BNC2: variants seen among roughly 807,000 people sequenced by gnomAD.
BNC2 encodes the protein zinc finger protein basonuclin-2.
A neutral mutation model predicts 76.3 loss-of-function variants in BNC2; 20 were observed. That is an observed-to-expected ratio of 0.26 (90% CI 0.18 to 0.38). The LOEUF (loss-of-function observed/expected upper bound fraction) is 0.38. Ranked by LOEUF, BNC2 falls within the 10% of genes least tolerant of loss-of-function variation. The pLI is 1.00. For missense variants in BNC2, 1,382 were observed against 1,399.8 expected (o/e 0.99, Z 0.20); for synonymous variants, 582 against 514.8 (o/e 1.13, Z -1.77).
intron 1 of BNC2, among the ~76,000 whole-genome samples, chr9:16,799,526 G>A (rs374958020): frequency 1.3e-5 from 2 of 152,072 alleles, no homozygotes; most frequent in African/African-American, 4.8e-5. Flanking sequence ...TGTTGGCCAG[G>A]CTGGTCTCGA....
chr9:16,615,817 AAAT>A (rs1264256029), intron 3 of BNC2, among the ~76,000 whole-genome samples: 2 of 152,158 alleles, frequency 1.3e-5, no homozygotes, highest in African/African-American at 4.8e-5. Flanking sequence ...TCTATAATGT[AAAT>A]ACTTCACATG....
intron 1 of BNC2, among the ~76,000 whole-genome samples, chr9:16,846,568 A>C (rs1818987610): frequency 6.6e-6 from 1 of 152,182 alleles, no homozygotes; most frequent in Non-Finnish European, 1.5e-5. Flanking sequence ...GCAGCTCAGA[A>C]ACTGAAGACT....
intron 2 of BNC2, among the ~76,000 whole-genome samples, chr9:16,733,229 G>T (rs1405560236): frequency 1.3e-5 from 2 of 152,132 alleles, no homozygotes; most frequent in African/African-American, 4.8e-5. Context: ...AGTGAAAAAA[G>T]AAGTAATAAA....
intron 5 of BNC2, among the ~76,000 whole-genome samples, chr9:16,515,831 TAC>T (rs959604715): frequency 4.6e-5 from 7 of 150,838 alleles, no homozygotes; most frequent in Non-Finnish European, 5.9e-5. Context: ...TATATATATA[TAC>T]ATCTCATTGC....
At chr9:16,501,903 C>G (rs1343594233) in intron 5 of BNC2, among the ~76,000 whole-genome samples, 2 of 152,166 alleles carry the variant, frequency 1.3e-5, no homozygotes, top group Non-Finnish European at 2.9e-5. Context: ...TGCTAAAGAA[C>G]AGAGAATAAG....
intron 1 of BNC2, 150 bp from the exon 2 acceptor site, chr9:16,738,635 T>C: frequency 2.3e-6 from 2 of 867,730 alleles, no homozygotes; most frequent in Admixed American, 2.5e-5. Context: ...CTAAGGCTGA[T>C]AGTAGCCAAC....
intron 1 of BNC2, among the ~76,000 whole-genome samples, chr9:16,793,073 A>G (rs1199681813): frequency 6.6e-6 from 1 of 152,232 alleles, no homozygotes; most frequent in Non-Finnish European, 1.5e-5. Context: ...TCTTAACTAA[A>G]AGGGAAAACA....
chr9:16,639,063 G>A, intron 3 of BNC2, among the ~76,000 whole-genome samples: 1 of 152,138 alleles, frequency 6.6e-6, no homozygotes, highest in Admixed American at 6.5e-5. Context: ...AGGATGTCAT[G>A]TGTAATAGGC....
intron 3 of BNC2, among the ~76,000 whole-genome samples, chr9:16,689,895 GAA>G (rs1351816094): frequency 2.6e-5 from 4 of 152,184 alleles, no homozygotes; most frequent in Non-Finnish European, 5.9e-5. Flanking sequence ...GTCCCTGTGA[GAA>G]AGAGCAGATA....
chr9:16,596,678 T>C (rs1373578166), intron 3 of BNC2, among the ~76,000 whole-genome samples: 12 of 152,156 alleles, frequency 7.9e-5, no homozygotes, highest in Non-Finnish European at 1.6e-4. Context: ...GTTGATTCCC[T>C]GGCTGGCCAA....
At chr9:16,730,755 G>A (rs1330302) in intron 2 of BNC2, among the ~76,000 whole-genome samples, 136,678 of 152,208 alleles carry the variant, frequency 0.9, 61,416 homozygotes, top group Non-Finnish European at 0.92. Flanking sequence ...AGCCTTAAAA[G>A]CAGCAGGATA....
At chr9:16,648,338 G>A (rs887295540) in intron 3 of BNC2, among the ~76,000 whole-genome samples, 1 of 152,192 alleles carries the variant, frequency 6.6e-6, no homozygotes, top group Non-Finnish European at 1.5e-5. Flanking sequence ...TAAGACAGTA[G>A]AACATCAGGA....
At position 16,706,769 on chromosome 9, in the gene BNC2, T is replaced by TA. The variant is rs1025308236; in HGVS notation, c.330+21027dup. 7.2e-5 allele frequency among the ~76,000 whole-genome samples: 11 copies of TA among 151,790 alleles called. No homozygotes were observed. In the East Asian group the frequency reaches 9.6e-4, roughly 13 times the overall value. On this transcript the variant is annotated intron_variant, in intron 3 of 6. Coordinates refer to ENST00000380672, the MANE Select transcript of BNC2 (RefSeq NM_017637.6). The stretch of plus-strand genomic sequence containing the variant: ...TCATGAGAGGACAGCAATTAATTTT[T>TA]AAAAAAAAGGAATTATACTTGACTG...
At chr9:16,638,276 T>C (rs180825651) in intron 3 of BNC2, among the ~76,000 whole-genome samples, 72 of 152,310 alleles carry the variant, frequency 4.7e-4, no homozygotes, top group African/African-American at 1.7e-3. Flanking sequence ...CATAAAAATG[T>C]TGAAAATACA....
intron 4 of BNC2, among the ~76,000 whole-genome samples, chr9:16,573,158 G>A (rs1475358239): frequency 6.6e-6 from 1 of 150,772 alleles, no homozygotes; most frequent in Non-Finnish European, 1.5e-5. Flanking sequence ...AACCCAGGAA[G>A]GGGAAGTTGC....
intron 3 of BNC2, among the ~76,000 whole-genome samples, chr9:16,586,508 C>T (rs1425347376): frequency 1.3e-5 from 2 of 152,138 alleles, no homozygotes; most frequent in African/African-American, 4.8e-5. Context: ...CCTTGTCCTC[C>T]CAGACTGTGA....
chr9:16,502,516 T>C (rs1822540015), intron 5 of BNC2, among the ~76,000 whole-genome samples: 2 of 152,130 alleles, frequency 1.3e-5, no homozygotes, highest in African/African-American at 4.8e-5. Context: ...GACACTAGTT[T>C]AGACACATTT....
At chr9:16,422,022 C>T (rs1345876282) in intron 6 of BNC2, among the ~76,000 whole-genome samples, 3 of 152,158 alleles carry the variant, frequency 2.0e-5, no homozygotes, top group Non-Finnish European at 2.9e-5. Context: ...GCAGTTGCAT[C>T]AAGACACACT....
At chr9:16,757,224 G>C (rs913832610) in intron 1 of BNC2, among the ~76,000 whole-genome samples, 1 of 152,126 alleles carries the variant, frequency 6.6e-6, no homozygotes, top group Non-Finnish European at 1.5e-5. Context: ...CAGCTTAAAA[G>C]CTATTTAAAA....
Sources: gnomAD v4.1 joint callset for allele counts (sites outside exome capture counted in the v4.1 genomes callset) on GRCh38, gnomAD v4.1.1 for gene constraint, MANE v1.5 for transcripts, NCBI Gene and HGNC (gene_info 2026-07-23, HGNC 2026-07-21) for gene names.